CACNA1I: variants seen among roughly 807,000 people sequenced by gnomAD.
CACNA1I encodes the protein voltage-dependent T-type calcium channel subunit alpha-1I.
Under a neutral mutation model 201.6 loss-of-function variants are expected in CACNA1I, and 74 were observed. That is an observed-to-expected ratio of 0.37 (90% confidence interval 0.30 to 0.45). The LOEUF (loss-of-function observed/expected upper bound fraction) is 0.45, where lower values mean the gene tolerates loss of function less well. Among genes scored for constraint, CACNA1I ranks in the 20% least tolerant of loss-of-function variants. The probability of loss-of-function intolerance (pLI) is 1.00; values close to 1 mark genes in which losing one functional copy is unlikely to be tolerated. For missense variants in CACNA1I, 2,346 were observed against 3,138.1 expected (o/e 0.75, Z 6.03); for synonymous variants, 1,431 against 1,345.2 (o/e 1.06, Z -1.40).
chr22:39,585,650 AG>A (rs1569048088), intron 1 of CACNA1I, among the ~76,000 whole-genome samples: 1 of 145,422 alleles, frequency 6.9e-6, no homozygotes, highest in African/African-American at 2.5e-5. Flanking sequence ...GGCCTCCCAA[AG>A]TGCTGGGTGA....
At chr22:39,651,837 A>G (rs1221654482) in intron 10 of CACNA1I, among the ~76,000 whole-genome samples, 1 of 152,168 alleles carries the variant, frequency 6.6e-6, no homozygotes, top group Non-Finnish European at 1.5e-5. Flanking sequence ...GTTCCACATC[A>G]GGGCTGTTTG....
chr22:39,608,635 T>C (rs753875422), intron 3 of CACNA1I, among the ~76,000 whole-genome samples: 26 of 148,708 alleles, frequency 1.7e-4, no homozygotes, highest in Non-Finnish European at 3.1e-4. Context: ...GCTCAGAAGG[T>C]TGAGACCAGC....
chr22:39,606,521 A>G (rs1277009895), intron 3 of CACNA1I, among the ~76,000 whole-genome samples: 1 of 151,958 alleles, frequency 6.6e-6, no homozygotes, highest in East Asian at 1.9e-4. Context: ...GTTTGGTTGA[A>G]CCCAACTCTT....
intron 1 of CACNA1I, among the ~76,000 whole-genome samples, chr22:39,584,306 C>G (rs1203204160): frequency 1.3e-5 from 2 of 152,012 alleles, no homozygotes; most frequent in East Asian, 3.9e-4. Flanking sequence ...ACTTCCAGGA[C>G]TGGTGATGGG....
intron 1 of CACNA1I, among the ~76,000 whole-genome samples, chr22:39,572,366 TG>T (rs1932212961): frequency 6.6e-6 from 1 of 151,946 alleles, no homozygotes; most frequent in Admixed American, 6.6e-5. Flanking sequence ...GGGGAGCTGG[TG>T]GGTCAGGTGC....
chr22:39,627,469 A>G (rs966626603), intron 4 of CACNA1I, among the ~76,000 whole-genome samples: 2 of 152,192 alleles, frequency 1.3e-5, no homozygotes, highest in African/African-American at 4.8e-5. Flanking sequence ...GCAGGATGGC[A>G]CTGTGGTTAG....
At chr22:39,679,928 G>T in intron 33 of CACNA1I, 60 bp downstream of exon 33, 1 of 1,536,756 alleles carries the variant, frequency 6.5e-7, no homozygotes, top group Non-Finnish European at 8.8e-7. Flanking sequence ...ACCTGGTGGG[G>T]GGCCTGTCCG....
chr22:39,574,113 T>G (rs2145796411), intron 1 of CACNA1I, among the ~76,000 whole-genome samples: 1 of 152,342 alleles, frequency 6.6e-6, no homozygotes, highest in Non-Finnish European at 1.5e-5. Context: ...GTGTCAGCTC[T>G]GGGACACTCA....
intron 3 of CACNA1I, among the ~76,000 whole-genome samples, chr22:39,610,499 G>C (rs1467657750): frequency 6.6e-6 from 1 of 152,206 alleles, no homozygotes; most frequent in Non-Finnish European, 1.5e-5. Context: ...AAACAGGATG[G>C]TAGCTGCCAT....
intron 1 of CACNA1I, among the ~76,000 whole-genome samples, chr22:39,588,676 C>T (rs974231218): frequency 2.6e-5 from 4 of 152,144 alleles, no homozygotes; most frequent in Non-Finnish European, 5.9e-5. Flanking sequence ...TGAGCCACTG[C>T]GCCCGGCCTT....
At position 39,684,204 on chromosome 22, in the gene CACNA1I, C is replaced by A. The variant is rs761862974; in HGVS notation, c.5831-98C>A. 4 of 1,010,384 alleles carry A rather than the reference C, an allele frequency of 4.0e-6. No individual in the cohort carries two copies. In the South Asian group the frequency reaches 5.8e-5, roughly 15 times the overall value. The allele number at this position is 1,010,384 out of a possible 1,614,324, so 62.6% of individuals were successfully genotyped here. A position where few individuals can be genotyped will look rare whatever the true frequency, so the allele number is the denominator to read the frequency against. On this transcript the variant is annotated intron_variant, in intron 35 of 36. Coordinates refer to ENST00000402142, the MANE Select transcript of CACNA1I (RefSeq NM_021096.4). This position sits in a 1 kb window ranked among gnomAD's most constrained non-coding sequence, Gnocchi z 4.6. ...AGTCAGTTTATTAGGTGGCCCCTCA[C>A]TGCTGGCCCAGTGAGATTGGTGCTC...
rs763649119 is a variant in CACNA1I at position 39,670,206 on chromosome 22, C to T, written c.4363C>T (p.Arg1455Trp). Residue 1455 changes from arginine to tryptophan, a missense_variant, in exon 25 of 37, where the codon CGG becomes TGG. By Grantham distance (101) the Arg-to-Trp change is moderately radical. Transcript: ENST00000402142. ...ACGGCGGCGTGAGGAGAAGCGGCTG[C>T]GGCGCCTGGAGAAGAAGCGCCGGAG... ...EARRREEKRL[R>W]RLEKKRRKAQ... 20 of 1,613,246 alleles carry T rather than the reference C, an allele frequency of 1.2e-5. No individual in the cohort carries two copies. Among genetic ancestry groups the T allele is most frequent in the Admixed American group, 3.3e-5 (2 of 60,004 alleles).
In CACNA1I at chr22:39,649,400, G is replaced by C; in HGVS notation, c.1568-101G>C. The C allele has an allele frequency of 1.6e-6, 2 of 1,259,494 alleles. No individual in the cohort carries two copies. Among genetic ancestry groups the C allele is most frequent in the Non-Finnish European group, 2.1e-6 (2 of 935,482 alleles). The allele number at this position is 1,259,494 out of a possible 1,614,324, so 78.0% of individuals were successfully genotyped here. A position where few individuals can be genotyped will look rare whatever the true frequency, so the allele number is the denominator to read the frequency against. ...AGGCTGGGTCGGCTGGTTCCAGGCA[G>C]ACCTGTGGGCCTGGGAGCCAAGCGC... On this transcript the variant is annotated intron_variant, in intron 9 of 36. Transcript: ENST00000402142. This position sits in a 1 kb window ranked among gnomAD's most constrained non-coding sequence, Gnocchi z 7.3.
chr22:39,636,878 G>C (rs1934232338), intron 5 of CACNA1I, among the ~76,000 whole-genome samples: 1 of 152,212 alleles, frequency 6.6e-6, no homozygotes, highest in Admixed American at 6.5e-5. Flanking sequence ...CGTCGTCAGG[G>C]CGGAGAAGGG....
In CACNA1I at chr22:39,646,752, A is replaced by T. The variant is rs1428612116; in HGVS notation, c.1333A>T (p.Ile445Phe). The change falls in exon 8 of 37, where the codon ATC (isoleucine) becomes TTC (phenylalanine). Residue 445 changes from isoleucine (I) to phenylalanine (F), a missense_variant. Transcript: ENST00000402142. The part of the protein sequence containing the change: ...YEEIFQYVCH[I>F]LRKAKRRALG... The stretch of plus-strand genomic sequence containing the variant: ...GGAGATCTTCCAGTATGTCTGCCAC[A>T]TCCTGCGCAAGGCCAAGCGCCGCGC... The T allele has an allele frequency of 6.3e-7, 1 of 1,595,408 alleles. No homozygotes were observed. The highest frequency in any genetic ancestry group is 1.1e-5 in the South Asian group (1 of 88,198).
At chr22:39,586,132 C>G (rs963650979) in intron 1 of CACNA1I, among the ~76,000 whole-genome samples, 1 of 150,008 alleles carries the variant, frequency 6.7e-6, no homozygotes, top group South Asian at 2.1e-4. Context: ...GAGCCGAGAT[C>G]GTGCCATTGT....
rs1932929342 is a variant in CACNA1I at position 39,598,027 on chromosome 22, G to A, written c.237-124G>A. 12 of 650,280 alleles carry A rather than the reference G, an allele frequency of 1.8e-5. No individual in the cohort carries two copies. In the South Asian group the frequency reaches 2.1e-4, roughly 11 times the overall value. 40.3% of individuals were successfully genotyped at this position (650,280 alleles called of 1,614,324 possible). A position where few individuals can be genotyped will look rare whatever the true frequency, so the allele number is the denominator to read the frequency against. On this transcript the variant is annotated intron_variant, in intron 1 of 36. Coordinates refer to ENST00000402142, the MANE Select transcript of CACNA1I (RefSeq NM_021096.4). The stretch of plus-strand genomic sequence containing the variant: ...CTGTTTCAGGGATGGCACCCAGAGG[G>A]AGAAGAATGAGGAATGGGGTGTATG...
intron 4 of CACNA1I, 47 bp downstream of exon 4, chr22:39,619,454 TG>T: frequency 6.9e-7 from 1 of 1,448,450 alleles, no homozygotes; most frequent in Non-Finnish European, 9.6e-7. Context: ...GATCCATCCC[TG>T]GCCAACCCAT....
In CACNA1I at chr22:39,682,642, G is replaced by A. The variant is rs773952271; in HGVS notation, c.5811G>A (p.Leu1937=). Residue 1937 remains leucine (L), a synonymous_variant, in exon 35 of 37, where the codon CTG becomes CTA. Coordinates refer to ENST00000402142, the MANE Select transcript of CACNA1I (RefSeq NM_021096.4). The part of the protein sequence containing the change: ...EIPFNPVRSW[L]KHDSSQAPPS... Reference sequence around the variant, plus strand: ...CATTCAACCCTGTCCGGTCCTGGCTGAAACATGACAGCAGTCAAGGTGAGG... The same window carrying A: ...CATTCAACCCTGTCCGGTCCTGGCTAAAACATGACAGCAGTCAAGGTGAGG... The A allele has an allele frequency of 7.4e-6, 12 of 1,612,998 alleles. No homozygotes were observed. Among genetic ancestry groups the A allele is most frequent in the Non-Finnish European group, 9.3e-6 (11 of 1,179,688 alleles).
Sources: gnomAD v4.1 joint callset for allele counts (sites outside exome capture counted in the v4.1 genomes callset) on GRCh38, gnomAD v4.1.1 for gene constraint, Gnocchi (gnomAD v3.1) non-coding constraint, MANE v1.5 for transcripts, NCBI Gene and HGNC (gene_info 2026-07-23, HGNC 2026-07-21) for gene names.